Variants in PCLO observed in about 807,000 individuals in gnomAD.
PCLO encodes piccolo presynaptic cytomatrix protein, also known as protein piccolo.
Under a neutral mutation model 427.5 loss-of-function variants are expected in PCLO, and 82 were observed. That is an observed-to-expected ratio of 0.19 (90% confidence interval 0.16 to 0.23). The LOEUF (loss-of-function observed/expected upper bound fraction) is 0.23. Ranked by LOEUF, PCLO falls within the 10% of genes least tolerant of loss-of-function variation. PCLO has a pLI of 1.00. For missense variants in PCLO, 6,239 were observed against 6,115.9 expected (o/e 1.02, Z -0.67); for synonymous variants, 2,357 against 2,155.4 (o/e 1.09, Z -2.59).
chr7:82,927,309 C>A lies in PCLO; in HGVS notation c.11113-10436G>T, dbSNP rs759955312. On this transcript the variant is annotated intron_variant, in intron 6 of 24. Transcript: ENST00000333891. ...TCACACATACGATCCTTGGCTATTTCGCTTTCATGAGATAACCACTATTTT... is the reference window on the plus strand; with the variant it reads ...TCACACATACGATCCTTGGCTATTTAGCTTTCATGAGATAACCACTATTTT... Among the ~76,000 whole-genome samples the A allele has an allele frequency of 2.6e-5, 4 of 152,244 alleles. No individual in the cohort carries two copies. In the South Asian group the frequency reaches 6.2e-4, roughly 24 times the overall value.
At chr7:83,148,908 A>AG (rs1268785208) in intron 2 of PCLO, among the ~76,000 whole-genome samples, 1 of 152,178 alleles carries the variant, frequency 6.6e-6, no homozygotes, top group African/African-American at 2.4e-5. Context: ...ACAGGATGGC[A>AG]GGGGGTCAGT....
Position 82,883,608 on chromosome 7 carries a change from C to T in PCLO, c.13529-4146G>A, listed in dbSNP as rs113178878. Among the ~76,000 whole-genome samples, 947 of 152,194 alleles carry T rather than the reference C, an allele frequency of 6.2e-3. 3 individuals carry two copies. Among genetic ancestry groups the T allele is most frequent in the Non-Finnish European group, 8.1e-3 (552 of 68,008 alleles). On this transcript the variant is annotated intron_variant, in intron 9 of 24. Transcript: ENST00000333891. Reference sequence around the variant, plus strand: ...ATCCATATTTTACAGTTTTCAGCAACATCAAAACAGAAACAGCACACTCAT... The same window carrying T: ...ATCCATATTTTACAGTTTTCAGCAATATCAAAACAGAAACAGCACACTCAT...
At chr7:83,138,387 G>A (rs368891861) in intron 2 of PCLO, among the ~76,000 whole-genome samples, 19 of 152,128 alleles carry the variant, frequency 1.2e-4, no homozygotes, top group African/African-American at 3.6e-4. Flanking sequence ...CATGCCGGGC[G>A]CTGTGGCTCA....
At chr7:83,025,268 T>TGGAGCTGAA (rs1481657648) in intron 3 of PCLO, among the ~76,000 whole-genome samples, 1 of 151,712 alleles carries the variant, frequency 6.6e-6, no homozygotes, top group African/African-American at 2.4e-5. Context: ...AAGGAGCTGA[T>TGGAGCTGAA]GGAGCTGAAA....
In PCLO at chr7:82,951,538, C is replaced by A. The variant is rs769445650; in HGVS notation, c.9098-48G>T. The A allele has an allele frequency of 1.1e-5, 14 of 1,311,042 alleles. No individual in the cohort carries two copies. The African/African-American group carries it at 2.1e-4, about 19-fold the overall frequency. The allele number at this position is 1,311,042 out of a possible 1,614,324, so 81.2% of individuals were successfully genotyped here. On this transcript the variant is annotated intron_variant, in intron 5 of 24. Coordinates refer to ENST00000333891, the MANE Select transcript of PCLO (RefSeq NM_033026.6). Reference sequence around the variant, plus strand: ...AGTCCAGTTCCCAGAATGAATGATGCTTTTTGAGTTTGAAAACCCTCTCAT... The same window carrying A: ...AGTCCAGTTCCCAGAATGAATGATGATTTTTGAGTTTGAAAACCCTCTCAT...
chr7:82,798,586 A>G (rs1053731654), intron 22 of PCLO, among the ~76,000 whole-genome samples: 1 of 152,206 alleles, frequency 6.6e-6, no homozygotes, highest in Admixed American at 6.5e-5. Flanking sequence ...CATAGAGCAA[A>G]TACATTCTTA....
intron 3 of PCLO, among the ~76,000 whole-genome samples, chr7:83,004,243 C>T (rs548340980): frequency 2.6e-5 from 4 of 151,732 alleles, no homozygotes; most frequent in Non-Finnish European, 5.9e-5. Flanking sequence ...TATCATACTT[C>T]TTGATTTCAA....
chr7:82,931,742 A>G (rs1424082421), intron 6 of PCLO, among the ~76,000 whole-genome samples: 1 of 152,134 alleles, frequency 6.6e-6, no homozygotes, highest in African/African-American at 2.4e-5. Flanking sequence ...TGGGAGCAAT[A>G]GTCTTTTGTA....
rs1476341971 is a variant in PCLO at position 83,155,667 on chromosome 7, T to C, written c.974A>G (p.Gln325Arg). 6.2e-7 allele frequency: 1 copy of C among 1,613,126 alleles called. No individual in the cohort carries two copies. ...AGCTGGGGGCTTTGCAGGCCCAGGCTGTGATTTTTCATGTCCAGGCTGCTG... is the reference window on the plus strand; with the variant it reads ...AGCTGGGGGCTTTGCAGGCCCAGGCCGTGATTTTTCATGTCCAGGCTGCTG... ...PAQQPGHEKS[Q>R]PGPAKPPAQP... Residue 325 changes from glutamine to arginine, a missense_variant, in exon 2 of 25, where the codon CAG (glutamine) becomes CGG (arginine). This residue lies in a region of PCLO where 4,677 missense variants were observed against 4,468.4 expected (regional missense o/e 1.05). Coordinates refer to ENST00000333891, the MANE Select transcript of PCLO (RefSeq NM_033026.6).
At position 83,083,413 on chromosome 7, in the gene PCLO, TA is replaced by T. The variant is rs561409504; in HGVS notation, c.3300+50836del. On this transcript the variant is annotated intron_variant, in intron 3 of 24. Transcript: ENST00000333891. ...CAAAATCATTAATTATCTGTGGATG[TA>T]AAATTTTAGCTTTTTTTATTTTTGA... Among the ~76,000 whole-genome samples the T allele has an allele frequency of 7.9e-4, 120 of 152,160 alleles. 1 individual carries two copies. The highest frequency in any genetic ancestry group is 2.5e-3 in the African/African-American group (104 of 41,562).
chr7:83,046,892 G>A (rs932898361), intron 3 of PCLO, among the ~76,000 whole-genome samples: 1 of 151,962 alleles, frequency 6.6e-6, no homozygotes, highest in Non-Finnish European at 1.5e-5. Flanking sequence ...TTGCCCAGAA[G>A]CAAGAATTTT....
chr7:82,910,773 T>G (rs1172705419), intron 7 of PCLO, among the ~76,000 whole-genome samples: 1 of 152,156 alleles, frequency 6.6e-6, no homozygotes, highest in Non-Finnish European at 1.5e-5. Context: ...TTTCCAGTCT[T>G]AATTTGAAAC....
chr7:82,917,675 T>C (rs1056699624), intron 6 of PCLO, among the ~76,000 whole-genome samples: 13 of 152,032 alleles, frequency 8.6e-5, no homozygotes, highest in African/African-American at 2.9e-4. Flanking sequence ...GTACTTCAAT[T>C]TACCTAAGTA....
chr7:82,927,093 A>G (rs1393793690), intron 6 of PCLO, among the ~76,000 whole-genome samples: 1 of 152,178 alleles, frequency 6.6e-6, no homozygotes, highest in Non-Finnish European at 1.5e-5. Context: ...ACACATATAA[A>G]GAGTTCAAGA....
intron 22 of PCLO, among the ~76,000 whole-genome samples, chr7:82,776,835 T>TACACAC: frequency 6.6e-6 from 1 of 150,396 alleles, no homozygotes; most frequent in East Asian, 2.0e-4. Flanking sequence ...TCTCTATATA[T>TACACAC]ACACACACAC....
intron 1 of PCLO, among the ~76,000 whole-genome samples, chr7:83,160,842 A>G (rs936066192): frequency 2.6e-5 from 4 of 152,130 alleles, no homozygotes; most frequent in African/African-American, 9.7e-5. Flanking sequence ...AATATAAAAG[A>G]TCTGGCATAC....
At chr7:82,877,903 C>G (rs768930996) in intron 10 of PCLO, among the ~76,000 whole-genome samples, 4 of 152,098 alleles carry the variant, frequency 2.6e-5, no homozygotes, top group Non-Finnish European at 4.4e-5. Context: ...AGCTGCTGGC[C>G]TCAAGAGATC....
chr7:83,118,048 C>A (rs1791177976), intron 3 of PCLO, among the ~76,000 whole-genome samples: 1 of 152,014 alleles, frequency 6.6e-6, no homozygotes, highest in African/African-American at 2.4e-5. Flanking sequence ...GGTGGCACTA[C>A]AAATCAGAGT....
chr7:82,766,619 A>T (rs1790536862), intron 22 of PCLO, among the ~76,000 whole-genome samples: 1 of 152,106 alleles, frequency 6.6e-6, no homozygotes, highest in South Asian at 2.1e-4. Flanking sequence ...CACACTAATG[A>T]TCATGATGAA....
Sources: gnomAD v4.1 joint callset for allele counts (sites outside exome capture counted in the v4.1 genomes callset) on GRCh38, gnomAD v4.1.1 for gene constraint, gnomAD v4.1.1 regional missense constraint, MANE v1.5 for transcripts, NCBI Gene and HGNC (gene_info 2026-07-23, HGNC 2026-07-21) for gene names.